FANCI: variants seen among roughly 807,000 people sequenced by gnomAD.
The protein encoded by FANCI is Fanconi anemia group I protein.
Under a neutral mutation model 176.1 loss-of-function variants are expected in FANCI, and 156 were observed. That is an observed-to-expected ratio of 0.89 (90% CI 0.78 to 1.01). The LOEUF (loss-of-function observed/expected upper bound fraction) is 1.01, where lower values mean the gene tolerates loss of function less well. Among genes scored for constraint, FANCI ranks in the 50% least tolerant of loss-of-function variants. The pLI, the probability that FANCI is intolerant of heterozygous loss-of-function variation, is 0.00. For synonymous variants in FANCI, 613 were observed against 541.7 expected (o/e 1.13, Z -1.83); for missense variants, 1,678 against 1,534.1 (o/e 1.09, Z -1.57).
At chr15:89,247,506 C>G in intron 1 of FANCI, 123 bp from the exon 2 acceptor site, 1 of 740,814 alleles carries the variant, frequency 1.3e-6, no homozygotes, top group Non-Finnish European at 2.5e-6. Context: ...TAAAGATAGT[C>G]CTAAGTTTGT....
chr15:89,247,566 A>C, intron 1 of FANCI, 63 bp from the exon 2 acceptor site: 1 of 1,184,380 alleles, frequency 8.4e-7, no homozygotes, highest in Non-Finnish European at 1.3e-6. Context: ...ACAGGGAAGG[A>C]AAACAAATCA....
intron 32 of FANCI, 148 bp from the exon 33 acceptor site, chr15:89,307,328 G>C: frequency 1.3e-6 from 1 of 742,380 alleles, no homozygotes; most frequent in South Asian, 1.6e-5. Flanking sequence ...TGGAGGAGAG[G>C]AATAAGGAAG....
intron 15 of FANCI, 22 bp from the exon 16 acceptor site, chr15:89,281,743 T>C (rs2053622555): frequency 1.9e-6 from 3 of 1,611,862 alleles, no homozygotes; most frequent in South Asian, 2.2e-5. Flanking sequence ...TGTTCTGTTT[T>C]TACCCACTGA....
chr15:89,293,317 G>C (rs928159057), intron 22 of FANCI, among the ~76,000 whole-genome samples: 8 of 152,140 alleles, frequency 5.3e-5, no homozygotes, highest in Non-Finnish European at 1.2e-4. Flanking sequence ...CTGAATTCAA[G>C]AACTCCTAAT....
intron 2 of FANCI, among the ~76,000 whole-genome samples, chr15:89,255,390 C>T (rs2052448773): frequency 6.6e-6 from 1 of 152,100 alleles, no homozygotes; most frequent in Non-Finnish European, 1.5e-5. Flanking sequence ...TTCCATTTTA[C>T]AGGAAGAAAA....
chr15:89,253,240 G>A (rs1318560427), intron 2 of FANCI, among the ~76,000 whole-genome samples: 2 of 152,132 alleles, frequency 1.3e-5, no homozygotes, highest in African/African-American at 2.4e-5. Context: ...TTTGACAAAT[G>A]ATATTGGAAC....
intron 2 of FANCI, among the ~76,000 whole-genome samples, chr15:89,253,740 C>T (rs572074985): frequency 1.5e-4 from 21 of 136,226 alleles, no homozygotes; most frequent in Admixed American, 8.4e-4. Flanking sequence ...ATATTTGTAA[C>T]GTATCACAGA....
chr15:89,303,694 T>A (rs1045919944), intron 27 of FANCI, among the ~76,000 whole-genome samples, 170 bp from the exon 28 acceptor site: 6 of 152,180 alleles, frequency 3.9e-5, no homozygotes, highest in Non-Finnish European at 7.4e-5. Context: ...ATTCTTAGAA[T>A]TTTGGACTTA....
At chr15:89,304,967 G>C (rs2054660896) in intron 28 of FANCI, 148 bp from the exon 29 acceptor site, 4 of 797,552 alleles carry the variant, frequency 5.0e-6, no homozygotes, top group Non-Finnish European at 8.4e-6. Flanking sequence ...GTAGAGACGG[G>C]GTTTCTCCAT....
chr15:89,250,746 G>A (rs928301232), intron 2 of FANCI, among the ~76,000 whole-genome samples: 8 of 150,540 alleles, frequency 5.3e-5, no homozygotes, highest in African/African-American at 7.3e-5. Flanking sequence ...ATAACTCTTG[G>A]AGGAAAAGAG....
chr15:89,313,973 TCACACACACA>T (rs139859584), intron 35 of FANCI, among the ~76,000 whole-genome samples: 25 of 98,352 alleles, frequency 2.5e-4, no homozygotes, highest in African/African-American at 5.1e-4. Flanking sequence ...AGATATATAA[TCACACACACA>T]CACACACACA....
chr15:89,261,460 C>G (rs952748445), intron 4 of FANCI, 125 bp from the exon 5 acceptor site: 68 of 1,188,336 alleles, frequency 5.7e-5, no homozygotes, highest in Non-Finnish European at 7.9e-5. Flanking sequence ...TTCCATAAAT[C>G]CCTTATGGGA....
chr15:89,295,014 G>C lies in FANCI; in HGVS notation c.2556G>C (p.Gln852His), dbSNP rs1453226760. 2 of 1,552,268 alleles carry C rather than the reference G, an allele frequency of 1.3e-6. No individual in the cohort carries two copies. Among genetic ancestry groups the C allele is most frequent in the Non-Finnish European group, 1.7e-6 (2 of 1,147,142 alleles). Residue 852 changes from glutamine (Q) to histidine (H), a missense_variant, in exon 24 of 38, where the codon CAG (glutamine) becomes CAC (histidine). Transcript: ENST00000310775. ...AVNVALQKVQ[Q>H]LKETGHVSGP... ...ATGTAGCTCTGCAGAAAGTACAGCAGCTAAAGGAAACAGGGCATGTGAGTG... is the reference window on the plus strand; with the variant it reads ...ATGTAGCTCTGCAGAAAGTACAGCACCTAAAGGAAACAGGGCATGTGAGTG...
intron 23 of FANCI, among the ~76,000 whole-genome samples, 190 bp downstream of exon 23, chr15:89,294,187 C>G (rs952027772): frequency 6.6e-6 from 1 of 152,100 alleles, no homozygotes; most frequent in Non-Finnish European, 1.5e-5. Context: ...TATTAAAGGA[C>G]AAATGAGAAA....
At chr15:89,313,112 C>A in intron 35 of FANCI, 140 bp downstream of exon 35, 2 of 840,158 alleles carry the variant, frequency 2.4e-6, no homozygotes, top group Non-Finnish European at 4.0e-6. Context: ...TCTAAAAAGG[C>A]AAACTAGATT....
intron 34 of FANCI, among the ~76,000 whole-genome samples, chr15:89,310,364 G>C (rs1323231980): frequency 6.6e-6 from 1 of 152,186 alleles, no homozygotes; most frequent in African/African-American, 2.4e-5. Context: ...CCTGGTACTT[G>C]TTGACATGTA....
At chr15:89,302,316 G>C (rs1033070276) in intron 27 of FANCI, among the ~76,000 whole-genome samples, 2 of 152,186 alleles carry the variant, frequency 1.3e-5, no homozygotes, top group East Asian at 1.9e-4. Flanking sequence ...CTTCATCCCA[G>C]TTCCAAACAG....
At chr15:89,268,103 TTTG>T (rs538091995) in intron 9 of FANCI, among the ~76,000 whole-genome samples, 30 of 152,286 alleles carry the variant, frequency 2.0e-4, no homozygotes, top group Non-Finnish European at 3.7e-4. Context: ...ATACCTTTTT[TTTG>T]TTGTTGTTGA....
Position 89,316,529 on chromosome 15 carries a change from C to CTT in FANCI, c.*71_*72dup, listed in dbSNP as rs2055270612. ...TTTTACCCAACAAGCAACAATGCCCCTTGTCCTGTAGTCCACACCGATGTT... is the reference window on the plus strand; with the variant it reads ...TTTTACCCAACAAGCAACAATGCCCCTTTTGTCCTGTAGTCCACACCGATGTT... On this transcript the variant is annotated 3_prime_UTR_variant, in exon 38 of 38. Transcript: ENST00000310775. The CTT allele has an allele frequency of 2.0e-6, 3 of 1,474,280 alleles. No homozygotes were observed. In the African/African-American group the frequency reaches 4.2e-5, roughly 21 times the overall value. The allele number at this position is 1,474,280 out of a possible 1,614,324, so 91.3% of individuals were successfully genotyped here. A position where few individuals can be genotyped will look rare whatever the true frequency, so the allele number is the denominator to read the frequency against.
Sources: allele counts gnomAD v4.1 joint callset (sites outside exome capture counted in the v4.1 genomes callset), GRCh38; gene constraint gnomAD v4.1.1; transcripts MANE v1.5; gene names NCBI Gene and HGNC (gene_info 2026-07-23, HGNC 2026-07-21).